Variants in RAPGEF5 observed in about 807,000 individuals in gnomAD.
RAPGEF5 encodes the protein Rap guanine nucleotide exchange factor 5, also known as M-Ras-regulated GEF.
In RAPGEF5, 65 loss-of-function variants were observed where a neutral mutation model predicts 125.2. The ratio of observed to expected loss-of-function variants is 0.52; its 90% CI spans 0.43 to 0.64. The LOEUF is 0.64. RAPGEF5 is among the 30% of genes least tolerant of loss of function. The pLI, the probability that RAPGEF5 is intolerant of heterozygous loss-of-function variation, is 0.00. For missense variants in RAPGEF5, 958 were observed against 1,048.1 expected, an observed-to-expected ratio of 0.91 and a Z score of 1.19; for synonymous variants, 391 against 385.9, an observed-to-expected ratio of 1.01 and a Z score of -0.16.
chr7:22,295,880 T>C (rs1270405392), intron 5 of RAPGEF5, among the ~76,000 whole-genome samples: 4 of 152,088 alleles, frequency 2.6e-5, no homozygotes, highest in Non-Finnish European at 5.9e-5. Flanking sequence ...GACATCGGAA[T>C]AGCAGACTTG....
intron 20 of RAPGEF5, among the ~76,000 whole-genome samples, chr7:22,140,841 T>C (rs2128103738): frequency 6.6e-6 from 1 of 152,272 alleles, no homozygotes; most frequent in Middle Eastern, 3.4e-3. Flanking sequence ...GCAGCCAGAA[T>C]AGCTGTGAAT....
At chr7:22,144,783 T>C (rs1162136894) in intron 20 of RAPGEF5, among the ~76,000 whole-genome samples, 1 of 152,222 alleles carries the variant, frequency 6.6e-6, no homozygotes, top group Admixed American at 6.5e-5. Context: ...GGATGAAGGA[T>C]GTGTGTACTG....
intron 8 of RAPGEF5, among the ~76,000 whole-genome samples, chr7:22,222,888 T>C (rs1785826813): frequency 1.3e-5 from 2 of 152,142 alleles, no homozygotes; most frequent in Non-Finnish European, 2.9e-5. Flanking sequence ...AACCACTGGA[T>C]ATATTTCAAA....
At chr7:22,267,949 T>C (rs975255824) in intron 6 of RAPGEF5, among the ~76,000 whole-genome samples, 9 of 152,120 alleles carry the variant, frequency 5.9e-5, no homozygotes, top group African/African-American at 2.2e-4. Flanking sequence ...AAGGTTAAAT[T>C]GCAGATTTGC....
chr7:22,157,224 A>C (rs1297780341), intron 15 of RAPGEF5, among the ~76,000 whole-genome samples: 1 of 152,216 alleles, frequency 6.6e-6, no homozygotes, highest in Non-Finnish European at 1.5e-5. Context: ...TTAACCTATA[A>C]GGTATAAGTT....
At chr7:22,325,966 T>C (rs1783806424) in intron 1 of RAPGEF5, among the ~76,000 whole-genome samples, 1 of 152,224 alleles carries the variant, frequency 6.6e-6, no homozygotes, top group South Asian at 2.1e-4. Context: ...TGTGGGGTCG[T>C]CAACAGGAAA....
chr7:22,125,519 A>G, intron 25 of RAPGEF5, 85 bp downstream of exon 25: 3 of 1,294,202 alleles, frequency 2.3e-6, no homozygotes. Context: ...AATCTGTTTA[A>G]ATTGATTACC....
At chr7:22,271,116 C>A (rs928970522) in intron 6 of RAPGEF5, among the ~76,000 whole-genome samples, 10 of 152,108 alleles carry the variant, frequency 6.6e-5, no homozygotes, top group African/African-American at 2.4e-4. Context: ...CTTTAAATAG[C>A]TTGAGTTTTC....
chr7:22,240,361 G>C (rs1427205451), intron 7 of RAPGEF5, among the ~76,000 whole-genome samples: 3 of 151,436 alleles, frequency 2.0e-5, no homozygotes, highest in Non-Finnish European at 4.4e-5. Context: ...AGGCAGAAAG[G>C]CTTTACTTTT....
At chr7:22,348,730 G>A (rs1181805506) in intron 1 of RAPGEF5, among the ~76,000 whole-genome samples, 1 of 152,208 alleles carries the variant, frequency 6.6e-6, no homozygotes, top group African/African-American at 2.4e-5. Context: ...CCAGAGGCCA[G>A]GAAGGGTAGT....
At chr7:22,342,168 A>G (rs1464169949) in intron 1 of RAPGEF5, among the ~76,000 whole-genome samples, 1 of 152,190 alleles carries the variant, frequency 6.6e-6, no homozygotes. Context: ...CACAACGTGG[A>G]AGTTGCCAAA....
Position 22,291,216 on chromosome 7 carries a change from C to A in RAPGEF5, c.706G>T (p.Glu236Ter). 1 of 1,573,420 alleles carries A rather than the reference C, an allele frequency of 6.4e-7. No individual in the cohort carries two copies. The stretch of plus-strand genomic sequence containing the variant: ...ACAAGAATTTCATCACTGCTTTCTT[C>A]GGAGTCTTCAATTTTCTGATGAGAC... Reference protein sequence around the residue: ...ELSHQKIEDSEESSDEILVRL... With the variant: ...ELSHQKIEDS The change falls in exon 6 of 26, where the codon GAA becomes TAA. Residue 236 changes from glutamate (E) to a stop codon, truncating the protein, a stop_gained. Transcript: ENST00000665637. LOFTEE classifies it high-confidence loss of function.
At chr7:22,218,484 A>G (rs1041788239) in intron 9 of RAPGEF5, among the ~76,000 whole-genome samples, 1 of 152,200 alleles carries the variant, frequency 6.6e-6, no homozygotes, top group African/African-American at 2.4e-5. Flanking sequence ...AATGCTCACA[A>G]TTAAACTATG....
chr7:22,187,438 T>G (rs1784858355), intron 11 of RAPGEF5, among the ~76,000 whole-genome samples: 1 of 152,192 alleles, frequency 6.6e-6, no homozygotes, highest in Admixed American at 6.5e-5. Flanking sequence ...ATTTTCTCCT[T>G]TCGTAAAACA....
At chr7:22,280,431 G>T (rs7805929) in intron 6 of RAPGEF5, among the ~76,000 whole-genome samples, 6,493 of 152,210 alleles carry the variant, frequency 0.043, 167 homozygotes, top group African/African-American at 0.05. Flanking sequence ...GCTCAGGTTG[G>T]GGGAAAGGAG....
At chr7:22,294,474 T>C (rs562923356) in intron 5 of RAPGEF5, among the ~76,000 whole-genome samples, 2 of 152,302 alleles carry the variant, frequency 1.3e-5, no homozygotes, top group South Asian at 4.1e-4. Flanking sequence ...ACTGTGAGGA[T>C]GCAGAGATGA....
intron 15 of RAPGEF5, 49 bp downstream of exon 15, chr7:22,157,806 G>A (rs1288818908): frequency 9.6e-6 from 15 of 1,566,040 alleles, no homozygotes; most frequent in Non-Finnish European, 1.3e-5. Flanking sequence ...GGCAAGGCAA[G>A]GTCTCCAAAC....
intron 5 of RAPGEF5, among the ~76,000 whole-genome samples, chr7:22,299,110 T>G (rs1446567674): frequency 6.6e-6 from 1 of 152,044 alleles, no homozygotes; most frequent in African/African-American, 2.4e-5. Context: ...TCTTTATTAA[T>G]TCCTTCTTTG....
intron 25 of RAPGEF5, among the ~76,000 whole-genome samples, chr7:22,124,195 T>G (rs1156858733): frequency 6.6e-6 from 1 of 152,206 alleles, no homozygotes; most frequent in East Asian, 1.9e-4. Flanking sequence ...GGAGCATATA[T>G]AAACTAGAGT....
Sources: allele counts gnomAD v4.1 joint callset (sites outside exome capture counted in the v4.1 genomes callset), GRCh38; gene constraint gnomAD v4.1.1; transcripts MANE v1.5; gene names NCBI Gene and HGNC (gene_info 2026-07-23, HGNC 2026-07-21).